The following OR5AN1 variants were observed in gnomAD, a reference collection of about 807,000 sequenced individuals.
OR5AN1 encodes the protein olfactory receptor 5AN1.
For missense variants in OR5AN1, 476 were observed against 368.9 expected, an observed-to-expected ratio of 1.29 and a Z score of -2.38; for synonymous variants, 167 against 131.8, an observed-to-expected ratio of 1.27 and a Z score of -1.83.
rs913872004 is a variant in OR5AN1, at chr11:59,369,429, T to C, written c.*4035T>C. 2.0e-5 allele frequency: 3 copies of C among 152,162 alleles called. No individual in the cohort carries two copies. Among genetic ancestry groups the C allele is most frequent in the Non-Finnish European group, 4.4e-5 (3 of 68,016 alleles). 9.4% of individuals were successfully genotyped at this position (152,162 alleles called of 1,614,324 possible). On this transcript the variant is annotated 3_prime_UTR_variant, in exon 2 of 2. Transcript: ENST00000641998. ...ATAGCCAGTATAAAAAAGCACTTAG[T>C]GGGTCTGACAGAGCTGAATAGCGCA...
rs1590584180 is a variant in OR5AN1 at position 59,368,149 on chromosome 11, G to A, written c.*2755G>A. 6.6e-6 allele frequency: 1 copy of A among 152,406 alleles called. No homozygotes were observed. The highest frequency in any genetic ancestry group is 6.5e-5 in the Admixed American group (1 of 15,304). The allele number at this position is 152,406 out of a possible 1,614,324, so 9.4% of individuals were successfully genotyped here. A position where few individuals can be genotyped will look rare whatever the true frequency, so the allele number is the denominator to read the frequency against. On this transcript the variant is annotated 3_prime_UTR_variant, in exon 2 of 2. Coordinates refer to ENST00000641998, the MANE Select transcript of OR5AN1 (RefSeq NM_001004729.2). ...CCCTGGGACAAAGCTCTCAGAGGAA[G>A]GGACAAGCCACTGTCTTTGCTGTTT...
intron 1 of OR5AN1, among the ~76,000 whole-genome samples, chr11:59,362,593 A>G (rs1449920757): frequency 1.3e-5 from 2 of 152,224 alleles, no homozygotes; most frequent in Admixed American, 1.3e-4. Flanking sequence ...ACTTTTTAAT[A>G]TCTGAAAGTT....
Position 59,364,849 on chromosome 11 carries a change from C to T in OR5AN1, c.391C>T (p.Leu131=). The T allele has an allele frequency of 6.2e-7, 1 of 1,613,962 alleles. No homozygotes were observed. Among genetic ancestry groups the T allele is most frequent in the East Asian group, 2.2e-5 (1 of 44,874 alleles). ...YDRYAAICNP[L]LYSSIMSPTL... Reference sequence around the variant, plus strand: ...TCGTTATGCTGCCATTTGTAACCCCCTGCTCTATTCATCCATCATGTCACC... The same window carrying T: ...TCGTTATGCTGCCATTTGTAACCCCTTGCTCTATTCATCCATCATGTCACC... Residue 131 remains leucine (L), a synonymous_variant, in exon 2 of 2, where the codon CTG becomes TTG. Coordinates refer to ENST00000641998, the MANE Select transcript of OR5AN1 (RefSeq NM_001004729.2).
Position 59,365,078 on chromosome 11 carries a change from T to C in OR5AN1, c.620T>C (p.Phe207Ser). Residue 207 changes from phenylalanine to serine, a missense_variant, in exon 2 of 2, where the codon TTT (phenylalanine) becomes TCT (serine). Coordinates refer to ENST00000641998, the MANE Select transcript of OR5AN1 (RefSeq NM_001004729.2). ...ATGACTGCTATATTAACCATGTTCT[T>C]TGGGATAGCAAGTGCCCTAGTTATC... ...QVMTAILTMFFGIASALVIMI... is the reference protein window; with the variant it reads ...QVMTAILTMFSGIASALVIMI... The C allele has an allele frequency of 1.2e-6, 2 of 1,614,164 alleles. No homozygotes were observed. The highest frequency in any genetic ancestry group is 1.7e-6 in the Non-Finnish European group (2 of 1,180,014).
chr11:59,363,890 G>A (rs558697096), intron 1 of OR5AN1, among the ~76,000 whole-genome samples: 1 of 152,300 alleles, frequency 6.6e-6, no homozygotes, highest in South Asian at 2.1e-4. Flanking sequence ...AGCCTCAGGA[G>A]TAACTGGGAT....
Position 59,364,611 on chromosome 11 carries a change from G to T in OR5AN1, c.153G>T (p.Arg51Ser), listed in dbSNP as rs777587998. 1.9e-6 allele frequency: 3 copies of T among 1,613,960 alleles called. No homozygotes were observed. The highest frequency in any genetic ancestry group is 1.1e-5 in the South Asian group (1 of 91,068). Residue 51 changes from arginine (R) to serine (S), a missense_variant, in exon 2 of 2, where the codon AGG becomes AGT. Transcript: ENST00000641998. ...ACCTCTCCCTCATTGTTTTAATAAG[G>T]ATGGATTCCCACCTCCATACACCCA... ...AWNLSLIVLI[R>S]MDSHLHTPMY...
rs1473001454 is a variant in OR5AN1, at chr11:59,370,151, A to G, written c.*4757A>G. ...AGGAAAAACTGCTACCAGCTAATAC[A>G]AAAACACAGTTAAACACAGAAACCA... On this transcript the variant is annotated 3_prime_UTR_variant, in exon 2 of 2. Coordinates refer to ENST00000641998, the MANE Select transcript of OR5AN1 (RefSeq NM_001004729.2). The G allele has an allele frequency of 2.6e-5, 4 of 152,234 alleles. No individual in the cohort carries two copies. The East Asian group carries it at 7.7e-4, about 29-fold the overall frequency. The allele number at this position is 152,234 out of a possible 1,614,324, so 9.4% of individuals were successfully genotyped here. A position where few individuals can be genotyped will look rare whatever the true frequency, so the allele number is the denominator to read the frequency against.
At chr11:59,361,708 C>T (rs1472754024) in intron 1 of OR5AN1, among the ~76,000 whole-genome samples, 1 of 152,212 alleles carries the variant, frequency 6.6e-6, no homozygotes, top group Admixed American at 6.5e-5. Context: ...ATGTGCTAAA[C>T]ATCGCACAGC....
chr11:59,361,524 A>T (rs1590580107), intron 1 of OR5AN1, among the ~76,000 whole-genome samples: 1 of 152,098 alleles, frequency 6.6e-6, no homozygotes, highest in African/African-American at 2.4e-5. Flanking sequence ...CAGGCAATCC[A>T]CCTGCCTCGG....
In OR5AN1 at chr11:59,369,252, G is replaced by A. The variant is rs1285179467; in HGVS notation, c.*3858G>A. The A allele has an allele frequency of 6.6e-6, 1 of 151,528 alleles. No homozygotes were observed. 9.4% of individuals were successfully genotyped at this position (151,528 alleles called of 1,614,324 possible). ...ATGATCACACCAGTTCTCCAGCAAA[G>A]GTCCTTAACCAGGCCAAACTGGCTA... is the stretch of plus-strand genomic sequence containing the variant. On this transcript the variant is annotated 3_prime_UTR_variant, in exon 2 of 2. Transcript: ENST00000641998.
At position 59,370,238 on chromosome 11, in the gene OR5AN1, C is replaced by T. The variant is rs1008212228; in HGVS notation, c.*4844C>T. The T allele has an allele frequency of 6.6e-6, 1 of 152,166 alleles. No individual in the cohort carries two copies. 9.4% of individuals were successfully genotyped at this position (152,166 alleles called of 1,614,324 possible). A position where few individuals can be genotyped will look rare whatever the true frequency, so the allele number is the denominator to read the frequency against. ...TAATAACCAGCTGACAGCACAATGA[C>T]AGAATCAAATGCACACATATCAGTA... is the stretch of plus-strand genomic sequence containing the variant. On this transcript the variant is annotated 3_prime_UTR_variant, in exon 2 of 2. Coordinates refer to ENST00000641998, the MANE Select transcript of OR5AN1 (RefSeq NM_001004729.2).
At position 59,359,282 on chromosome 11, in the gene OR5AN1, T is replaced by G. The variant is rs1168139943; in HGVS notation, c.-14+10T>G. 4 of 152,246 alleles carry G rather than the reference T, an allele frequency of 2.6e-5. No individual in the cohort carries two copies. The highest frequency in any genetic ancestry group is 1.3e-4 in the Admixed American group (2 of 15,280). The allele number at this position is 152,246 out of a possible 1,614,324, so 9.4% of individuals were successfully genotyped here. On this transcript the variant is annotated intron_variant, in intron 1 of 1. Coordinates refer to ENST00000641998, the MANE Select transcript of OR5AN1 (RefSeq NM_001004729.2). ...AAACATAAAATTTCAGGTATTATTC[T>G]GGAGTGAGGGATGGGTATTGAATTC...
rs185451670 is a variant in OR5AN1, at chr11:59,370,801, T to A, written c.*5407T>A. 6.6e-6 allele frequency: 1 copy of A among 152,212 alleles called. No homozygotes were observed. The highest frequency in any genetic ancestry group is 1.5e-5 in the Non-Finnish European group (1 of 68,030). 9.4% of individuals were successfully genotyped at this position (152,212 alleles called of 1,614,324 possible). A position where few individuals can be genotyped will look rare whatever the true frequency, so the allele number is the denominator to read the frequency against. ...CAGTGAAGACAAGTGAATGAACGTGTTAGTCAGAGTTCTCCAGAGAGACAA... is the reference window on the plus strand; with the variant it reads ...CAGTGAAGACAAGTGAATGAACGTGATAGTCAGAGTTCTCCAGAGAGACAA... On this transcript the variant is annotated 3_prime_UTR_variant, in exon 2 of 2. Transcript: ENST00000641998.
In OR5AN1 at chr11:59,366,303, G is replaced by C. The variant is rs1857533355; in HGVS notation, c.*909G>C. 1 of 152,126 alleles carries C rather than the reference G, an allele frequency of 6.6e-6. No homozygotes were observed. The highest frequency in any genetic ancestry group is 2.1e-4 in the South Asian group (1 of 4,824). 9.4% of individuals were successfully genotyped at this position (152,126 alleles called of 1,614,324 possible). ...CTGGGTAACTATTGAATCCAGGAGAGGATGAAAGAAACATGGGTCAAATAT... is the reference window on the plus strand; with the variant it reads ...CTGGGTAACTATTGAATCCAGGAGACGATGAAAGAAACATGGGTCAAATAT... On this transcript the variant is annotated 3_prime_UTR_variant, in exon 2 of 2. Coordinates refer to ENST00000641998, the MANE Select transcript of OR5AN1 (RefSeq NM_001004729.2).
At chr11:59,359,460 G>C (rs910202793) in intron 1 of OR5AN1, 188 bp downstream of exon 1, 2 of 152,166 alleles carry the variant, frequency 1.3e-5, no homozygotes, top group African/African-American at 4.8e-5. Context: ...AATTTCCTCA[G>C]ATCAAAACCT....
intron 1 of OR5AN1, among the ~76,000 whole-genome samples, chr11:59,361,900 G>A (rs994750229): frequency 8.6e-5 from 13 of 151,822 alleles, no homozygotes; most frequent in Non-Finnish European, 1.9e-4. Flanking sequence ...ATACAGATAA[G>A]TATAAAGAAG....
rs537183411 is a variant in OR5AN1 at position 59,368,085 on chromosome 11, C to T, written c.*2691C>T. On this transcript the variant is annotated 3_prime_UTR_variant, in exon 2 of 2. Transcript: ENST00000641998. ...ACCTCTCAACTAGGCTCTCCAGCCA[C>T]TTCCTACAGCTGCTTTGGGCCACCA... The T allele has an allele frequency of 3.3e-5, 5 of 152,440 alleles. No homozygotes were observed. The highest frequency in any genetic ancestry group is 2.1e-4 in the South Asian group (1 of 4,826). 9.4% of individuals were successfully genotyped at this position (152,440 alleles called of 1,614,324 possible).
chr11:59,370,011 T>G lies in OR5AN1; in HGVS notation c.*4617T>G, dbSNP rs910556027. On this transcript the variant is annotated 3_prime_UTR_variant, in exon 2 of 2. Transcript: ENST00000641998. The stretch of plus-strand genomic sequence containing the variant: ...CCAAGAATTTCATATCTAGCCAAAC[T>G]AAGCTCCTAAGTGAAGGAATAATAC... 6.6e-6 allele frequency: 1 copy of G among 152,132 alleles called. No homozygotes were observed. The highest frequency in any genetic ancestry group is 1.5e-5 in the Non-Finnish European group (1 of 68,020). 9.4% of individuals were successfully genotyped at this position (152,132 alleles called of 1,614,324 possible).
intron 1 of OR5AN1, among the ~76,000 whole-genome samples, chr11:59,363,864 G>A (rs1475614144): frequency 2.0e-5 from 3 of 152,184 alleles, no homozygotes; most frequent in Non-Finnish European, 4.4e-5. Flanking sequence ...CTGGGTTCAA[G>A]TGATTCTCCT....
Sources: gnomAD v4.1 joint callset for allele counts (sites outside exome capture counted in the v4.1 genomes callset) on GRCh38, gnomAD v4.1.1 for gene constraint, MANE v1.5 for transcripts, NCBI Gene and HGNC (gene_info 2026-07-23, HGNC 2026-07-21) for gene names.